Variants in MARK1 observed in about 807,000 individuals in gnomAD.
The protein encoded by MARK1 is serine/threonine-protein kinase MARK1.
In MARK1, 40 loss-of-function variants were observed where a neutral mutation model predicts 96.3. That is an observed-to-expected ratio of 0.42 (90% CI 0.32 to 0.54). The LOEUF (loss-of-function observed/expected upper bound fraction) is 0.54, where lower values mean the gene tolerates loss of function less well. Among genes scored for constraint, MARK1 ranks in the 20% least tolerant of loss-of-function variants. The pLI is 0.16. For missense variants in MARK1, 719 were observed against 984.6 expected, an observed-to-expected ratio of 0.73 and a Z score of 3.61; for synonymous variants, 317 against 341.2, an observed-to-expected ratio of 0.93 and a Z score of 0.78.
At chr1:220,595,916 G>A (rs1394018610) in intron 3 of MARK1, among the ~76,000 whole-genome samples, 1 of 152,158 alleles carries the variant, frequency 6.6e-6, no homozygotes, top group Admixed American at 6.5e-5. Context: ...TCAAGAGATG[G>A]TGTTGTTAAG....
intron 1 of MARK1, among the ~76,000 whole-genome samples, chr1:220,572,197 G>A (rs1412745339): frequency 6.6e-6 from 1 of 152,104 alleles, no homozygotes; most frequent in African/African-American, 2.4e-5. Flanking sequence ...TCCATAACTT[G>A]ATAGTGTTGT....
At chr1:220,545,230 T>C (rs1453648867) in intron 1 of MARK1, among the ~76,000 whole-genome samples, 1 of 152,172 alleles carries the variant, frequency 6.6e-6, no homozygotes, top group African/African-American at 2.4e-5. Flanking sequence ...AACATCACCC[T>C]GAAGAGGGCA....
In MARK1 at chr1:220,604,095, T is replaced by C; in HGVS notation, c.453T>C (p.His151=). ...GGEVFDYLVA[H]GRMKEKEARA... ...AAGTATTTGATTACTTAGTTGCCCA[T>C]GGAAGAATGAAAGAGAAAGAGGCCC... Residue 151 remains histidine, a synonymous_variant, in exon 6 of 18, where the codon CAT becomes CAC. Coordinates refer to ENST00000366917, the MANE Select transcript of MARK1 (RefSeq NM_018650.5). 5.6e-6 allele frequency: 9 copies of C among 1,611,482 alleles called. No individual in the cohort carries two copies. Among genetic ancestry groups the C allele is most frequent in the South Asian group, 1.1e-5 (1 of 90,718 alleles).
At chr1:220,623,356 T>A (rs1193032) in intron 9 of MARK1, among the ~76,000 whole-genome samples, 39,152 of 152,148 alleles carry the variant, frequency 0.26, 6,023 homozygotes, top group East Asian at 0.46. Flanking sequence ...TTCCCTTTCA[T>A]GTATCCATAC....
At chr1:220,623,945 A>C (rs141479990) in intron 9 of MARK1, among the ~76,000 whole-genome samples, 3 of 152,158 alleles carry the variant, frequency 2.0e-5, no homozygotes, top group African/African-American at 7.2e-5. Context: ...CCACACTTCA[A>C]GTTGTTCTTT....
chr1:220,576,341 C>G (rs562159636), intron 1 of MARK1, among the ~76,000 whole-genome samples: 2 of 150,256 alleles, frequency 1.3e-5, no homozygotes, highest in South Asian at 4.2e-4. Flanking sequence ...TGATGGCAGA[C>G]AGCAAGTTGA....
intron 1 of MARK1, among the ~76,000 whole-genome samples, chr1:220,546,979 AAAAAAAAAG>A (rs1297032767): frequency 1.3e-5 from 2 of 151,874 alleles, no homozygotes; most frequent in African/African-American, 2.4e-5. Flanking sequence ...CTCCAAAAAA[AAAAAAAAAG>A]AAAAAAGAAA....
rs1227253766 is a variant in MARK1, at chr1:220,662,350, A to C, written c.*184A>C. The C allele has an allele frequency of 8.9e-6, 5 of 559,412 alleles. No individual in the cohort carries two copies. In the East Asian group the frequency reaches 1.4e-4, roughly 16 times the overall value. The allele number at this position is 559,412 out of a possible 1,614,324, so 34.7% of individuals were successfully genotyped here. On this transcript the variant is annotated 3_prime_UTR_variant, in exon 18 of 18. Transcript: ENST00000366917. ...AAAGTCAGTATGAACTATAATAAATATCTGTAGCTTAAAAAGTAGGTTCAC... is the reference window on the plus strand; with the variant it reads ...AAAGTCAGTATGAACTATAATAAATCTCTGTAGCTTAAAAAGTAGGTTCAC...
chr1:220,653,594 CAA>C (rs1669010531), intron 16 of MARK1, among the ~76,000 whole-genome samples: 1 of 151,936 alleles, frequency 6.6e-6, no homozygotes, highest in African/African-American at 2.4e-5. Context: ...ATGGAAAGAA[CAA>C]AGACTTAACT....
intron 17 of MARK1, among the ~76,000 whole-genome samples, chr1:220,658,178 AAC>A (rs1298118730): frequency 6.6e-6 from 1 of 152,228 alleles, no homozygotes; most frequent in East Asian, 1.9e-4. Flanking sequence ...TAGCACAAAT[AAC>A]ACAGAACAGG....
chr1:220,570,195 G>A (rs1397003715), intron 1 of MARK1, among the ~76,000 whole-genome samples: 3 of 152,032 alleles, frequency 2.0e-5, no homozygotes, highest in Non-Finnish European at 4.4e-5. Context: ...AGAAGGAGTG[G>A]AAACTCCAAT....
chr1:220,621,295 A>G (rs1183513304), intron 9 of MARK1, among the ~76,000 whole-genome samples: 1 of 152,104 alleles, frequency 6.6e-6, no homozygotes, highest in Non-Finnish European at 1.5e-5. Flanking sequence ...ATAAAAAACA[A>G]TGTGGTATAC....
At chr1:220,648,201 C>T (rs1668688733) in intron 13 of MARK1, among the ~76,000 whole-genome samples, 1 of 151,826 alleles carries the variant, frequency 6.6e-6, no homozygotes, top group African/African-American at 2.4e-5. Flanking sequence ...TATAAAATAT[C>T]ACTTTACTGT....
At position 220,664,431 on chromosome 1, in the gene MARK1, C is replaced by G. The variant is rs556338997; in HGVS notation, c.*2265C>G. Reference sequence around the variant, plus strand: ...GTTGAAATATTATTTGATATGACATCCCTTATATTAAATTAATTATTTTGT... The same window carrying G: ...GTTGAAATATTATTTGATATGACATGCCTTATATTAAATTAATTATTTTGT... On this transcript the variant is annotated 3_prime_UTR_variant, in exon 18 of 18. Transcript: ENST00000366917. 1 of 152,134 alleles carries G rather than the reference C, an allele frequency of 6.6e-6. No homozygotes were observed. Among genetic ancestry groups the G allele is most frequent in the Admixed American group, 6.5e-5 (1 of 15,298 alleles). The allele number at this position is 152,134 out of a possible 1,614,324, so 9.4% of individuals were successfully genotyped here. A position where few individuals can be genotyped will look rare whatever the true frequency, so the allele number is the denominator to read the frequency against.
chr1:220,571,925 C>G (rs1663492006), intron 1 of MARK1: 1 of 152,154 alleles, frequency 6.6e-6, no homozygotes, highest in African/African-American at 2.4e-5. Context: ...GAACTTAGTG[C>G]AAACACCAGG....
rs1443880471 is a variant in MARK1, at chr1:220,528,311, C to A, written c.-512C>A. The A allele has an allele frequency of 6.6e-6, 1 of 151,606 alleles. No homozygotes were observed. Among genetic ancestry groups the A allele is most frequent in the Non-Finnish European group, 1.5e-5 (1 of 67,932 alleles). 9.4% of individuals were successfully genotyped at this position (151,606 alleles called of 1,614,324 possible). ...ATCGGGCGCCGCCGCCGCTGGGCCC[C>A]GGGCGCGTGGATGCGGCTGGGTCGG... is the stretch of plus-strand genomic sequence containing the variant. On this transcript the variant is annotated 5_prime_UTR_variant, in exon 1 of 18. Transcript: ENST00000366917.
intron 6 of MARK1, among the ~76,000 whole-genome samples, chr1:220,612,407 C>T (rs1265956362): frequency 6.6e-6 from 1 of 152,090 alleles, no homozygotes; most frequent in Non-Finnish European, 1.5e-5. Flanking sequence ...AAATCATCTT[C>T]ATATTCTTTA....
At chr1:220,646,870 G>A (rs1398553498) in intron 13 of MARK1, among the ~76,000 whole-genome samples, 12 of 152,106 alleles carry the variant, frequency 7.9e-5, no homozygotes, top group Non-Finnish European at 1.6e-4. Context: ...ATTGAAACTG[G>A]ACCCTTTCCT....
At chr1:220,560,334 A>G (rs1456296406) in intron 1 of MARK1, among the ~76,000 whole-genome samples, 1 of 152,224 alleles carries the variant, frequency 6.6e-6, no homozygotes, top group Non-Finnish European at 1.5e-5. Flanking sequence ...TATACTGTGC[A>G]TGAATTTCTT....
Sources: allele counts gnomAD v4.1 joint callset (sites outside exome capture counted in the v4.1 genomes callset), GRCh38; gene constraint gnomAD v4.1.1; transcripts MANE v1.5; gene names NCBI Gene and HGNC (gene_info 2026-07-23, HGNC 2026-07-21).